The following PPARGC1B variants were observed in gnomAD, a reference collection of about 807,000 sequenced individuals.
The protein encoded by PPARGC1B is PPARG coactivator 1 beta.
Under a neutral mutation model 101.6 loss-of-function variants are expected in PPARGC1B, and 34 were observed. The observed-to-expected ratio is 0.33, with a 90% confidence interval of 0.25 to 0.45. The LOEUF (loss-of-function observed/expected upper bound fraction) is 0.45, where lower values mean the gene tolerates loss of function less well. PPARGC1B is among the 20% of genes least tolerant of loss of function. The pLI, the probability that PPARGC1B is intolerant of heterozygous loss-of-function variation, is 1.00. For synonymous variants in PPARGC1B, 548 were observed against 539.3 expected, an observed-to-expected ratio of 1.02 and a Z score of -0.22; for missense variants, 1,234 against 1,317.6, an observed-to-expected ratio of 0.94 and a Z score of 0.98.
intron 1 of PPARGC1B, among the ~76,000 whole-genome samples, chr5:149,795,404 T>A (rs1757172441): frequency 6.6e-6 from 1 of 152,188 alleles, no homozygotes; most frequent in African/African-American, 2.4e-5. Context: ...TTGGACTAAG[T>A]GGCTGTCAAG....
At chr5:149,747,793 TC>T (rs1359030278) in intron 1 of PPARGC1B, among the ~76,000 whole-genome samples, 1 of 152,086 alleles carries the variant, frequency 6.6e-6, no homozygotes, top group Non-Finnish European at 1.5e-5. Flanking sequence ...CATCCACACC[TC>T]CCTGGTGGGG....
intron 1 of PPARGC1B, among the ~76,000 whole-genome samples, chr5:149,790,850 G>A (rs965296638): frequency 6.6e-6 from 1 of 152,128 alleles, no homozygotes; most frequent in Non-Finnish European, 1.5e-5. Context: ...TTACTTGGGA[G>A]CTTGGTTAAA....
chr5:149,856,771 C>CTTTT (rs562000427), downstream of PPARGC1B, among the ~76,000 whole-genome samples: 1 of 129,118 alleles, frequency 7.7e-6, no homozygotes, highest in Non-Finnish European at 1.6e-5. Flanking sequence ...AGCTGCTTGG[C>CTTTT]TTTTTTTTTT....
In PPARGC1B at chr5:149,756,960, A is replaced by G. The variant is rs961053380; in HGVS notation, c.78+26540A>G. Among the ~76,000 whole-genome samples, 13 of 152,318 alleles carry G rather than the reference A, an allele frequency of 8.5e-5. No homozygotes were observed. In the East Asian group the frequency reaches 2.3e-3, roughly 27 times the overall value. On this transcript the variant is annotated intron_variant, in intron 1 of 11. Coordinates refer to ENST00000309241, the MANE Select transcript of PPARGC1B (RefSeq NM_133263.4). The stretch of plus-strand genomic sequence containing the variant: ...TTTCCTTCTCATCCAACCCCTGTTC[A>G]GTAACCACTGTGCTTGGACCTGGGG...
chr5:149,739,506 A>G lies in PPARGC1B; in HGVS notation c.78+9086A>G, dbSNP rs888936422. Among the ~76,000 whole-genome samples the G allele has an allele frequency of 1.4e-4, 21 of 152,280 alleles. No homozygotes were observed. In the East Asian group the frequency reaches 3.5e-3, roughly 25 times the overall value. ...GCAGGGGGCCCTTGGAGATACAGGTACACCTTGCCATTTCCAGAAGAGAGG... is the reference window on the plus strand; with the variant it reads ...GCAGGGGGCCCTTGGAGATACAGGTGCACCTTGCCATTTCCAGAAGAGAGG... On this transcript the variant is annotated intron_variant, in intron 1 of 11. Transcript: ENST00000309241.
chr5:149,828,655 C>G (rs1188240685), intron 3 of PPARGC1B, among the ~76,000 whole-genome samples: 1 of 152,210 alleles, frequency 6.6e-6, no homozygotes, highest in Non-Finnish European at 1.5e-5. Flanking sequence ...CCTTCATTCC[C>G]TACATGCTTA....
chr5:149,803,587 G>C lies in PPARGC1B; in HGVS notation c.79-16846G>C, dbSNP rs143013522. Among the ~76,000 whole-genome samples, 130 of 152,160 alleles carry C rather than the reference G, an allele frequency of 8.5e-4. 1 individual carries two copies. The East Asian group carries it at 0.022, about 26-fold the overall frequency. On this transcript the variant is annotated intron_variant, in intron 1 of 11. Transcript: ENST00000309241. ...TCATTGAGAGAGTTCCTCGCCTCCT[G>C]CCTGTTTCTCTTAGTCCTGGGTGGC...
chr5:149,768,930 C>T (rs1393806789), intron 1 of PPARGC1B, among the ~76,000 whole-genome samples: 1 of 152,202 alleles, frequency 6.6e-6, no homozygotes, highest in African/African-American at 2.4e-5. Context: ...GCTGGGATTA[C>T]AGGCGTGAGC....
intron 2 of PPARGC1B, among the ~76,000 whole-genome samples, chr5:149,823,754 G>T (rs1441364704): frequency 6.6e-6 from 1 of 152,148 alleles, no homozygotes; most frequent in Non-Finnish European, 1.5e-5. Flanking sequence ...GCCCCACCTG[G>T]CTGTTTCAGT....
chr5:149,838,181 A>C (rs1047992702), intron 8 of PPARGC1B, among the ~76,000 whole-genome samples: 1 of 152,204 alleles, frequency 6.6e-6, no homozygotes, highest in Non-Finnish European at 1.5e-5. Flanking sequence ...CATCTACAAC[A>C]AGTGTTCTTA....
intron 1 of PPARGC1B, among the ~76,000 whole-genome samples, chr5:149,789,679 G>T (rs1756944261): frequency 6.6e-6 from 1 of 152,144 alleles, no homozygotes; most frequent in Non-Finnish European, 1.5e-5. Flanking sequence ...ACACGCCCAA[G>T]ATCACACAGC....
At chr5:149,784,606 C>A (rs10476745) in intron 1 of PPARGC1B, among the ~76,000 whole-genome samples, 16 of 134,822 alleles carry the variant, frequency 1.2e-4, no homozygotes, top group African/African-American at 4.4e-4. Context: ...CTCGCTCTGT[C>A]GCCCAGGCTG....
At chr5:149,782,683 T>G (rs9324626) in intron 1 of PPARGC1B, among the ~76,000 whole-genome samples, 67,892 of 152,070 alleles carry the variant, frequency 0.45, 15,371 homozygotes, top group East Asian at 0.54. Flanking sequence ...GGGGCAGGGG[T>G]TGCTGAAGGG....
At chr5:149,804,967 C>T (rs1022409542) in intron 1 of PPARGC1B, among the ~76,000 whole-genome samples, 1 of 152,164 alleles carries the variant, frequency 6.6e-6, no homozygotes, top group Admixed American at 6.5e-5. Flanking sequence ...AATGAGAAGT[C>T]AGGGGAGGGT....
rs187564432 is a variant in PPARGC1B, at chr5:149,811,097, G to A, written c.79-9336G>A. Among the ~76,000 whole-genome samples the A allele has an allele frequency of 6.4e-4, 98 of 152,322 alleles. 1 individual carries two copies. The highest frequency in any genetic ancestry group is 2.1e-3 in the African/African-American group (89 of 41,576). On this transcript the variant is annotated intron_variant, in intron 1 of 11. Transcript: ENST00000309241. ...AAACACATGCCTACGTTGTCTTTTAGCGAAGCCATATGACATGTATATTCA... is the reference window on the plus strand; with the variant it reads ...AAACACATGCCTACGTTGTCTTTTAACGAAGCCATATGACATGTATATTCA...
chr5:149,843,289 G>C (rs1161870089), intron 10 of PPARGC1B, among the ~76,000 whole-genome samples: 4 of 152,164 alleles, frequency 2.6e-5, no homozygotes, highest in Admixed American at 6.5e-5. Context: ...GCACAATTTA[G>C]ATGTCAAAAC....
chr5:149,779,404 C>G (rs962872592), intron 1 of PPARGC1B, among the ~76,000 whole-genome samples: 19 of 152,300 alleles, frequency 1.2e-4, no homozygotes, highest in Admixed American at 1.2e-3. Flanking sequence ...TTGAAACCCC[C>G]ATCTTCACAA....
intron 1 of PPARGC1B, among the ~76,000 whole-genome samples, chr5:149,810,191 G>T (rs978147600): frequency 2.0e-5 from 3 of 152,250 alleles, no homozygotes; most frequent in Admixed American, 6.5e-5. Flanking sequence ...TTGAATTCAA[G>T]AGGCCCTTGA....
chr5:149,807,052 T>A (rs1037122535), intron 1 of PPARGC1B, among the ~76,000 whole-genome samples: 2 of 151,870 alleles, frequency 1.3e-5, no homozygotes, highest in Non-Finnish European at 2.9e-5. Context: ...CTCAACTTCC[T>A]GGGATCAGGT....
Sources: allele counts gnomAD v4.1 joint callset (sites outside exome capture counted in the v4.1 genomes callset), GRCh38; gene constraint gnomAD v4.1.1; transcripts MANE v1.5; gene names NCBI Gene and HGNC (gene_info 2026-07-23, HGNC 2026-07-21).